The following DENND4C variants were observed in gnomAD, a reference collection of about 807,000 sequenced individuals.
DENND4C encodes the protein DENN domain-containing protein 4C.
DENND4C carries 108 observed loss-of-function variants against 203.0 expected under a neutral mutation model. The observed-to-expected ratio is 0.53, with a 90% CI of 0.46 to 0.62. The LOEUF is 0.62. Among genes scored for constraint, DENND4C ranks in the 20% least tolerant of loss-of-function variants. The pLI, the probability that DENND4C is intolerant of heterozygous loss-of-function variation, is 0.00. For missense variants in DENND4C, 2,481 were observed against 2,301.2 expected (o/e 1.08, Z -1.60); for synonymous variants, 871 against 792.4 (o/e 1.10, Z -1.67).
chr9:19,305,900 G>T (rs1254106075), intron 10 of DENND4C, among the ~76,000 whole-genome samples: 1 of 152,202 alleles, frequency 6.6e-6, no homozygotes, highest in African/African-American at 2.4e-5. Flanking sequence ...TTACCCATTG[G>T]AGATAAAGTT....
intron 1 of DENND4C, among the ~76,000 whole-genome samples, chr9:19,231,594 G>C (rs1206992541): frequency 6.6e-6 from 1 of 150,580 alleles, no homozygotes; most frequent in East Asian, 2.0e-4. Flanking sequence ...CCCTCTCGAA[G>C]ACCGTCTTTT....
rs978195685 is a variant in DENND4C at position 19,273,807 on chromosome 9, A to G, written c.-17-2351A>G. ...AGGATGTAGAACAATTGGAACTCTC[A>G]AAGCTGACAAGAGTGAAAAAAATGG... On this transcript the variant is annotated intron_variant, in intron 1 of 32. Transcript: ENST00000434457. Among the ~76,000 whole-genome samples, 22 of 152,170 alleles carry G rather than the reference A, an allele frequency of 1.4e-4. 2 individuals carry two copies. The highest frequency in any genetic ancestry group is 4.6e-4 in the Admixed American group (7 of 15,302).
At chr9:19,321,808 G>C (rs984945944) in intron 12 of DENND4C, among the ~76,000 whole-genome samples, 2 of 149,306 alleles carry the variant, frequency 1.3e-5, no homozygotes, top group African/African-American at 5.0e-5. Flanking sequence ...CGCCAGCCTG[G>C]GTAATAGAGT....
At chr9:19,348,384 G>C (rs1166594806) in intron 23 of DENND4C, among the ~76,000 whole-genome samples, 1 of 152,130 alleles carries the variant, frequency 6.6e-6, no homozygotes, top group East Asian at 1.9e-4. Context: ...CAGGTTGGGG[G>C]CTATCCAGAA....
intron 5 of DENND4C, among the ~76,000 whole-genome samples, chr9:19,293,159 A>G (rs1307525731): frequency 6.6e-6 from 1 of 152,220 alleles, no homozygotes; most frequent in Non-Finnish European, 1.5e-5. Context: ...AAGATCTTCA[A>G]ACATTAGTTA....
rs1820284847 is a variant in DENND4C at position 19,230,725 on chromosome 9, C to G, written c.-126C>G. The G allele has an allele frequency of 6.6e-6, 1 of 152,226 alleles. No individual in the cohort carries two copies. Among genetic ancestry groups the G allele is most frequent in the Non-Finnish European group, 1.5e-5 (1 of 68,114 alleles). The allele number at this position is 152,226 out of a possible 1,614,324, so 9.4% of individuals were successfully genotyped here. On this transcript the variant is annotated 5_prime_UTR_variant, in exon 1 of 33. Coordinates refer to ENST00000434457, the MANE Select transcript of DENND4C (RefSeq NM_001330640.2). ...ACTGAGGCGGCGGCGGCCGCTGGAG[C>G]TAGTCCCCCGCCCTGCCCTGCCGAG...
At chr9:19,302,655 A>G (rs1838823812) in intron 9 of DENND4C, among the ~76,000 whole-genome samples, 1 of 151,794 alleles carries the variant, frequency 6.6e-6, no homozygotes, top group Non-Finnish European at 1.5e-5. Context: ...TGTCACTCAA[A>G]GAAATCTGAA....
At chr9:19,247,492 C>G (rs1241749706) in intron 1 of DENND4C, among the ~76,000 whole-genome samples, 1 of 152,170 alleles carries the variant, frequency 6.6e-6, no homozygotes, top group Non-Finnish European at 1.5e-5. Flanking sequence ...AATTCCTGGT[C>G]TCAAGTAATC....
At chr9:19,265,118 G>T (rs1830221383) in intron 1 of DENND4C, among the ~76,000 whole-genome samples, 1 of 152,106 alleles carries the variant, frequency 6.6e-6, no homozygotes, top group Non-Finnish European at 1.5e-5. Context: ...GGGCTCAGGA[G>T]ATTCTCCCAC....
At chr9:19,280,140 G>GCCTTCCTC (rs200833910) in intron 2 of DENND4C, among the ~76,000 whole-genome samples, 122,121 of 149,238 alleles carry the variant, frequency 0.82, 50,153 homozygotes, top group East Asian at 0.97. Context: ...CTACCTGCCT[G>GCCTTCCTC]CCTTCCTCCC....
chr9:19,271,835 C>A (rs1172554696), intron 1 of DENND4C, among the ~76,000 whole-genome samples: 1 of 149,032 alleles, frequency 6.7e-6, no homozygotes, highest in Non-Finnish European at 1.5e-5. Context: ...CGCCATTGCA[C>A]TCCAGCCTGG....
chr9:19,289,912 G>T (rs1432790167), intron 4 of DENND4C, among the ~76,000 whole-genome samples: 2 of 150,070 alleles, frequency 1.3e-5, no homozygotes, highest in Non-Finnish European at 3.0e-5. Flanking sequence ...TGTTGTTGTT[G>T]TTTTTGGTGG....
Position 19,243,587 on chromosome 9 carries a change from A to C in DENND4C, c.-18+12754A>C, listed in dbSNP as rs906971917. Among the ~76,000 whole-genome samples, 3 of 152,236 alleles carry C rather than the reference A, an allele frequency of 2.0e-5. No homozygotes were observed. The South Asian group carries it at 6.2e-4, about 32-fold the overall frequency. On this transcript the variant is annotated intron_variant, in intron 1 of 32. Coordinates refer to ENST00000434457, the MANE Select transcript of DENND4C (RefSeq NM_001330640.2). ...CTCTCTGTGGATTTGCCTATTGTGGATATTCCTACAAGTGGACTTAGGCAA... is the reference window on the plus strand; with the variant it reads ...CTCTCTGTGGATTTGCCTATTGTGGCTATTCCTACAAGTGGACTTAGGCAA...
chr9:19,334,779 G>C (rs1174846841), intron 17 of DENND4C, among the ~76,000 whole-genome samples, 198 bp from the exon 18 acceptor site: 1 of 152,112 alleles, frequency 6.6e-6, no homozygotes, highest in Non-Finnish European at 1.5e-5. Flanking sequence ...ACCCGTCTCA[G>C]CCTCCCTAAG....
chr9:19,269,502 T>C (rs1286142436), intron 1 of DENND4C, among the ~76,000 whole-genome samples: 1 of 152,220 alleles, frequency 6.6e-6, no homozygotes, highest in African/African-American at 2.4e-5. Context: ...GCTCATGATT[T>C]CTTTATTCTG....
chr9:19,256,810 C>T (rs951575558), intron 1 of DENND4C, among the ~76,000 whole-genome samples: 5 of 151,970 alleles, frequency 3.3e-5, no homozygotes, highest in Non-Finnish European at 2.9e-5. Context: ...GTGGCTCACG[C>T]CTGAAATCCC....
chr9:19,267,559 C>G (rs146004129), intron 1 of DENND4C, among the ~76,000 whole-genome samples: 2 of 151,842 alleles, frequency 1.3e-5, no homozygotes, highest in East Asian at 3.8e-4. Flanking sequence ...TTTTTAGAGA[C>G]CGGTTCTCAC....
chr9:19,315,543 A>G (rs1228677778), intron 10 of DENND4C, among the ~76,000 whole-genome samples: 2 of 151,276 alleles, frequency 1.3e-5, no homozygotes, highest in African/African-American at 4.9e-5. Context: ...ATGTGTATAT[A>G]TATACGTGTA....
Position 19,350,798 on chromosome 9 carries a change from C to T in DENND4C, c.4414C>T (p.Pro1472Ser), listed in dbSNP as rs753431765. The T allele has an allele frequency of 6.2e-7, 1 of 1,613,726 alleles. No individual in the cohort carries two copies. The highest frequency in any genetic ancestry group is 2.2e-5 in the East Asian group (1 of 44,868). Residue 1472 changes from proline (P) to serine (S), a missense_variant, in exon 24 of 33, where the codon CCC becomes TCC. By Grantham distance (74) the Pro-to-Ser change is moderately conservative. Coordinates refer to ENST00000434457, the MANE Select transcript of DENND4C (RefSeq NM_001330640.2). Reference sequence around the variant, plus strand: ...TAACACAAGTATCTCAGGGTTGGTCCCCAGTGAACTTACCCAGAGCAACAC... The same window carrying T: ...TAACACAAGTATCTCAGGGTTGGTCTCCAGTGAACTTACCCAGAGCAACAC... Reference protein sequence around the residue: ...SPNTSISGLVPSELTQSNTSL... With the variant: ...SPNTSISGLVSSELTQSNTSL...
Sources: allele counts gnomAD v4.1 joint callset (sites outside exome capture counted in the v4.1 genomes callset), GRCh38; gene constraint gnomAD v4.1.1; transcripts MANE v1.5; gene names NCBI Gene and HGNC (gene_info 2026-07-23, HGNC 2026-07-21).